The following ANXA3 variants were observed in gnomAD, a reference collection of about 807,000 sequenced individuals.
The protein encoded by ANXA3 is 35-alpha calcimedin.
Under a neutral mutation model 48.8 loss-of-function variants are expected in ANXA3, and 46 were observed. The observed-to-expected ratio is 0.94, with a 90% CI of 0.74 to 1.21. The LOEUF (loss-of-function observed/expected upper bound fraction) is 1.21. ANXA3 is among the 50% of genes most tolerant of loss of function. The probability of loss-of-function intolerance (pLI) is 0.00; values close to 1 mark genes in which losing one functional copy is unlikely to be tolerated. For missense variants in ANXA3, 383 were observed against 378.6 expected, an observed-to-expected ratio of 1.01 and a Z score of -0.10; for synonymous variants, 128 against 134.7, an observed-to-expected ratio of 0.95 and a Z score of 0.35.
At chr4:78,558,918 G>A (rs17003344) in intron 2 of ANXA3, among the ~76,000 whole-genome samples, 2,755 of 152,142 alleles carry the variant, frequency 0.018, 82 homozygotes, top group African/African-American at 0.061. Context: ...TTTTTTCTGC[G>A]TACCTTCTGT....
chr4:78,578,923 A>T, intron 3 of ANXA3, 104 bp from the exon 4 acceptor site: 1 of 437,024 alleles, frequency 2.3e-6, no homozygotes, highest in Non-Finnish European at 4.1e-6. Context: ...AGAAATTAAA[A>T]TGCCTTACTC....
intron 2 of ANXA3, among the ~76,000 whole-genome samples, chr4:78,563,794 A>G (rs1722673907): frequency 6.6e-6 from 1 of 152,168 alleles, no homozygotes; most frequent in South Asian, 2.1e-4. Context: ...CAAATTCCCT[A>G]TATTTCTCCA....
chr4:78,608,131 G>T (rs969034503), intron 12 of ANXA3, among the ~76,000 whole-genome samples: 6 of 152,054 alleles, frequency 3.9e-5, no homozygotes, highest in Non-Finnish European at 5.9e-5. Context: ...AGCAAAGGGG[G>T]TAGGGTGGGG....
chr4:78,597,086 A>C (rs1169958883), intron 9 of ANXA3: 10 of 411,880 alleles, frequency 2.4e-5, no homozygotes, highest in Non-Finnish European at 4.3e-5. Flanking sequence ...AAGGGGAAAG[A>C]GAAAGAGAGA....
intron 7 of ANXA3, among the ~76,000 whole-genome samples, chr4:78,593,805 T>TG (rs1406429884): frequency 1.7e-4 from 3 of 17,406 alleles, no homozygotes; most frequent in Admixed American, 1.4e-3. Flanking sequence ...TTCAGCTAAT[T>TG]TTTTTTTTTT....
At chr4:78,565,425 C>T (rs548012787) in intron 2 of ANXA3, among the ~76,000 whole-genome samples, 1 of 152,306 alleles carries the variant, frequency 6.6e-6, no homozygotes, top group South Asian at 2.1e-4. Flanking sequence ...GAGCAAAGAA[C>T]CTGGGGAGGA....
intron 11 of ANXA3, 56 bp downstream of exon 11, chr4:78,601,624 T>A: frequency 1.4e-6 from 2 of 1,396,586 alleles, no homozygotes; most frequent in Non-Finnish European, 2.0e-6. Flanking sequence ...CTTGGGAAAG[T>A]ATGCAAATAG....
At chr4:78,606,218 T>G (rs1295768340) in intron 12 of ANXA3, among the ~76,000 whole-genome samples, 1 of 152,218 alleles carries the variant, frequency 6.6e-6, no homozygotes, top group African/African-American at 2.4e-5. Flanking sequence ...AAATCAGCAC[T>G]AGAGAGTATT....
intron 2 of ANXA3, chr4:78,570,952 T>C (rs1722830828): frequency 6.6e-6 from 1 of 152,220 alleles, no homozygotes; most frequent in African/African-American, 2.4e-5. Context: ...TATCAAGCCT[T>C]GGAGAAAGAG....
At chr4:78,585,733 A>C (rs757879005) in intron 5 of ANXA3, among the ~76,000 whole-genome samples, 5 of 152,182 alleles carry the variant, frequency 3.3e-5, no homozygotes, top group Non-Finnish European at 7.3e-5. Flanking sequence ...CTTTTCTTGG[A>C]GTCACAGTGT....
chr4:78,582,076 T>C (rs1472365), intron 4 of ANXA3, 101 bp from the exon 5 acceptor site: 462,143 of 679,624 alleles, frequency 0.68, 158,984 homozygotes, highest in East Asian at 0.88. Context: ...GATGGACATG[T>C]TTTGTCTGAT....
At chr4:78,586,450 A>C in intron 6 of ANXA3, 100 bp downstream of exon 6, 1 of 813,120 alleles carries the variant, frequency 1.2e-6, no homozygotes, top group Non-Finnish European at 2.0e-6. Context: ...GCATTTTGAG[A>C]AGACAAGACT....
At chr4:78,601,141 A>T (rs557104454) in intron 10 of ANXA3, among the ~76,000 whole-genome samples, 7 of 152,322 alleles carry the variant, frequency 4.6e-5, no homozygotes, top group African/African-American at 1.4e-4. Context: ...CAGGTTGTTC[A>T]TCAGTAGCCC....
At chr4:78,558,251 A>G (rs1722557708) in intron 2 of ANXA3, among the ~76,000 whole-genome samples, 1 of 152,218 alleles carries the variant, frequency 6.6e-6, no homozygotes, top group Non-Finnish European at 1.5e-5. Flanking sequence ...GAAAAAGAGG[A>G]GTTGTTTAAT....
chr4:78,601,690 A>C, intron 11 of ANXA3, 122 bp downstream of exon 11: 1 of 820,428 alleles, frequency 1.2e-6, no homozygotes, highest in South Asian at 1.8e-5. Context: ...TTTTAAGATA[A>C]ATTATATTAC....
At chr4:78,552,810 G>A (rs1452617654) in intron 1 of ANXA3, among the ~76,000 whole-genome samples, 1 of 152,138 alleles carries the variant, frequency 6.6e-6, no homozygotes, top group African/African-American at 2.4e-5. Flanking sequence ...TGGTTTTCAC[G>A]AAGACGGAAA....
chr4:78,568,645 A>G (rs1722779497), intron 2 of ANXA3, among the ~76,000 whole-genome samples: 1 of 152,196 alleles, frequency 6.6e-6, no homozygotes, highest in African/African-American at 2.4e-5. Context: ...CTGAATGTAA[A>G]TGTTTAACTT....
At chr4:78,585,843 A>G (rs904401883) in intron 5 of ANXA3, among the ~76,000 whole-genome samples, 1 of 152,234 alleles carries the variant, frequency 6.6e-6, no homozygotes, top group Non-Finnish European at 1.5e-5. Flanking sequence ...GGCTCCCTGT[A>G]TGAAGAGAAT....
At chr4:78,588,327 A>T (rs958003263) in intron 6 of ANXA3, among the ~76,000 whole-genome samples, 1 of 152,138 alleles carries the variant, frequency 6.6e-6, no homozygotes, top group African/African-American at 2.4e-5. Context: ...TAAGAGATTG[A>T]GGCCACAGTA....
Sources: gnomAD v4.1 joint callset for allele counts (sites outside exome capture counted in the v4.1 genomes callset) on GRCh38, gnomAD v4.1.1 for gene constraint, MANE v1.5 for transcripts, NCBI Gene and HGNC (gene_info 2026-07-23, HGNC 2026-07-21) for gene names.